The following SLC30A4 variants were observed in gnomAD, a reference collection of about 807,000 sequenced individuals.
SLC30A4 encodes solute carrier family 30 member 4, also known as probable proton-coupled zinc antiporter SLC30A4.
In SLC30A4, 20 loss-of-function variants were observed where a neutral mutation model predicts 41.7. The ratio of observed to expected loss-of-function variants is 0.48; its 90% CI spans 0.34 to 0.70. The LOEUF is 0.70. Ranked by LOEUF, SLC30A4 falls within the 30% of genes least tolerant of loss-of-function variation. The pLI, the probability that SLC30A4 is intolerant of heterozygous loss-of-function variation, is 0.01. For missense variants in SLC30A4, 441 were observed against 529.3 expected, an observed-to-expected ratio of 0.83 and a Z score of 1.64; for synonymous variants, 181 against 195.9, an observed-to-expected ratio of 0.92 and a Z score of 0.64.
rs1382606851 is a variant in SLC30A4, at chr15:45,522,700, G to A, written c.-208C>T. On this transcript the variant is annotated 5_prime_UTR_variant, in exon 1 of 8. Coordinates refer to ENST00000261867, the MANE Select transcript of SLC30A4 (RefSeq NM_013309.6). ...CTGCTCCACCCGCGGCCGCAGGAGA[G>A]TGGGGTCGTGCTCGCGCCCGCCGCG... The A allele has an allele frequency of 5.5e-6, 1 of 182,254 alleles. No homozygotes were observed. The highest frequency in any genetic ancestry group is 1.1e-5 in the Non-Finnish European group (1 of 89,042). 11.3% of individuals were successfully genotyped at this position (182,254 alleles called of 1,614,324 possible).
In SLC30A4 at chr15:45,490,740, G is replaced by C. The variant is rs973611120; in HGVS notation, c.680C>G (p.Ala227Gly). ...AAATAGAGCTTACATTACATTAACTGCAACTCCAACAGCTGCGGTGATGAG... is the reference window on the plus strand; with the variant it reads ...AAATAGAGCTTACATTACATTAACTCCAACTCCAACAGCTGCGGTGATGAG... ...IMLITAAVGVAVNVIMGFLLN... is the reference protein window; with the variant it reads ...IMLITAAVGVGVNVIMGFLLN... The change falls in exon 4 of 8, where the codon GCA (alanine) becomes GGA (glycine). Residue 227 changes from alanine to glycine, a missense_variant. Physicochemically the swap from Ala to Gly is moderately conservative, Grantham distance 60. Around this residue, in one of 3 missense-constraint regions of SLC30A4, gnomAD observed 312 missense variants for 341.9 expected, o/e 0.91. Transcript: ENST00000261867. 1 of 1,599,074 alleles carries C rather than the reference G, an allele frequency of 6.3e-7. No individual in the cohort carries two copies. Among genetic ancestry groups the C allele is most frequent in the Non-Finnish European group, 8.5e-7 (1 of 1,173,682 alleles).
chr15:45,489,307 C>T (rs1891764991), intron 4 of SLC30A4, among the ~76,000 whole-genome samples: 1 of 151,896 alleles, frequency 6.6e-6, no homozygotes, highest in African/African-American at 2.4e-5. Context: ...ATGTGAAATG[C>T]TTTGGAGAAA....
Position 45,481,301 on chromosome 15 carries a change from A to G in SLC30A4, c.*3862T>C, listed in dbSNP as rs1196498143. On this transcript the variant is annotated 3_prime_UTR_variant, in exon 8 of 8. Coordinates refer to ENST00000261867, the MANE Select transcript of SLC30A4 (RefSeq NM_013309.6). ...AGGCATAGCTAATGGAAATGTATGT[A>G]GGAATTACAATAGCTTCCAGTTCTG... The G allele has an allele frequency of 6.6e-6, 1 of 152,260 alleles. No homozygotes were observed. Among genetic ancestry groups the G allele is most frequent in the Non-Finnish European group, 1.5e-5 (1 of 68,044 alleles). The allele number at this position is 152,260 out of a possible 1,614,324, so 9.4% of individuals were successfully genotyped here.
intron 2 of SLC30A4, among the ~76,000 whole-genome samples, chr15:45,520,184 G>C (rs1162802554): frequency 6.6e-6 from 1 of 152,034 alleles, no homozygotes; most frequent in Non-Finnish European, 1.5e-5. Context: ...GGGAACAAAA[G>C]AGATTTACTT....
chr15:45,518,669 C>A (rs1892570925), intron 2 of SLC30A4, among the ~76,000 whole-genome samples: 1 of 151,500 alleles, frequency 6.6e-6, no homozygotes, highest in African/African-American at 2.4e-5. Flanking sequence ...CTCAACCGAT[C>A]CTGCCACTTC....
At chr15:45,494,887 G>C (rs999145567) in intron 3 of SLC30A4, among the ~76,000 whole-genome samples, 5 of 152,170 alleles carry the variant, frequency 3.3e-5, no homozygotes, top group South Asian at 2.1e-4. Flanking sequence ...TAAAGCACGT[G>C]GTGGCTCACA....
intron 3 of SLC30A4, among the ~76,000 whole-genome samples, chr15:45,494,482 C>G (rs1021484215): frequency 6.6e-6 from 1 of 152,090 alleles, no homozygotes; most frequent in East Asian, 1.9e-4. Context: ...GTCAGGAGTT[C>G]GAGACCAGCC....
intron 2 of SLC30A4, chr15:45,520,795 A>G (rs1892642542): frequency 3.6e-6 from 1 of 281,494 alleles, no homozygotes; most frequent in Non-Finnish European, 7.2e-6. Flanking sequence ...ATTTATACAC[A>G]TGTGACCTGT....
Position 45,522,349 on chromosome 15 carries a change from G to C in SLC30A4, c.6C>G (p.Ala2=). The C allele has an allele frequency of 4.4e-6, 7 of 1,605,388 alleles. No individual in the cohort carries two copies. The highest frequency in any genetic ancestry group is 6.0e-6 in the Non-Finnish European group (7 of 1,176,220). The change falls in exon 2 of 8, where the codon GCC becomes GCG. Residue 2 remains alanine, a synonymous_variant. Transcript: ENST00000261867. The part of the protein sequence containing the change: M[A]GSGAWKRLKS... ...TGAGGCGCTTCCACGCGCCAGAGCC[G>C]GCCATGGCAGAGGCTGAGCGGCCGC... is the stretch of plus-strand genomic sequence containing the variant.
chr15:45,520,221 A>G (rs16944629), intron 2 of SLC30A4, among the ~76,000 whole-genome samples: 31,353 of 151,684 alleles, frequency 0.21, 4,747 homozygotes, highest in African/African-American at 0.43. Context: ...GTCTCTCAAA[A>G]GTGTGGGTTT....
intron 3 of SLC30A4, among the ~76,000 whole-genome samples, chr15:45,506,228 A>C (rs1595528074): frequency 6.6e-6 from 1 of 152,228 alleles, no homozygotes; most frequent in South Asian, 2.1e-4. Flanking sequence ...CAAATAAATA[A>C]ATTAATAAAA....
At chr15:45,488,568 GT>G (rs2140813488) in intron 5 of SLC30A4, among the ~76,000 whole-genome samples, 1 of 151,062 alleles carries the variant, frequency 6.6e-6, no homozygotes, top group Non-Finnish European at 1.5e-5. Context: ...GTGAGACTCT[GT>G]CTCAAAAATA....
intron 2 of SLC30A4, among the ~76,000 whole-genome samples, chr15:45,520,186 G>A (rs1892621830): frequency 6.6e-6 from 1 of 152,028 alleles, no homozygotes; most frequent in African/African-American, 2.4e-5. Flanking sequence ...GAACAAAAGA[G>A]ATTTACTTTA....
chr15:45,514,453 C>G (rs1219327451), intron 2 of SLC30A4, among the ~76,000 whole-genome samples: 1 of 151,328 alleles, frequency 6.6e-6, no homozygotes, highest in African/African-American at 2.4e-5. Flanking sequence ...GATTTCGTAG[C>G]CTTTGCTTTC....
chr15:45,486,759 A>G lies in SLC30A4; in HGVS notation c.1001-14T>C, dbSNP rs778471542. 7 of 1,380,246 alleles carry G rather than the reference A, an allele frequency of 5.1e-6. No individual in the cohort carries two copies. The highest frequency in any genetic ancestry group is 3.8e-4 in the Middle Eastern group (2 of 5,304). The allele number at this position is 1,380,246 out of a possible 1,614,324, so 85.5% of individuals were successfully genotyped here. On this transcript the variant is annotated splice_polypyrimidine_tract_variant and intron_variant, in intron 6 of 7. Coordinates refer to ENST00000261867, the MANE Select transcript of SLC30A4 (RefSeq NM_013309.6). ...GGCTTGGCACACCTATTAGGAATATATAATTTCTAAGTAAAATTTATTTTG... is the reference window on the plus strand; with the variant it reads ...GGCTTGGCACACCTATTAGGAATATGTAATTTCTAAGTAAAATTTATTTTG...
chr15:45,518,563 AT>A (rs930990089), intron 2 of SLC30A4, among the ~76,000 whole-genome samples: 1 of 147,976 alleles, frequency 6.8e-6, no homozygotes, highest in African/African-American at 2.6e-5. Context: ...TAGTTACTTC[AT>A]TTTTTTTCCC....
intron 3 of SLC30A4, among the ~76,000 whole-genome samples, chr15:45,503,869 C>A (rs1227031045): frequency 2.6e-5 from 4 of 152,052 alleles, no homozygotes; most frequent in African/African-American, 9.7e-5. Flanking sequence ...TCGCTTGAAC[C>A]CAGGAGGCAG....
At position 45,485,226 on chromosome 15, in the gene SLC30A4, C is replaced by T. The variant is rs774070698; in HGVS notation, c.1227G>A (p.Gln409=). 1.2e-6 allele frequency: 2 copies of T among 1,612,992 alleles called. No individual in the cohort carries two copies. Among genetic ancestry groups the T allele is most frequent in the Admixed American group, 3.3e-5 (2 of 59,944 alleles). Residue 409 remains glutamine, a synonymous_variant, in exon 8 of 8, where the codon CAG becomes CAA. Transcript: ENST00000261867. ...CCACTTCTTGCCTGTAACTCTGAAG[C>T]TGAATAGTACATCTATACATGCCAA... The part of the protein sequence containing the change: ...NTFGMYRCTI[Q]LQSYRQEVDR...
At chr15:45,491,563 T>C (rs1028627044) in intron 3 of SLC30A4, among the ~76,000 whole-genome samples, 1 of 152,194 alleles carries the variant, frequency 6.6e-6, no homozygotes, top group African/African-American at 2.4e-5. Flanking sequence ...TCCGTCTCTC[T>C]TGGTTTTTCC....
Sources: allele counts gnomAD v4.1 joint callset (sites outside exome capture counted in the v4.1 genomes callset), GRCh38; gene constraint gnomAD v4.1.1; regional missense constraint gnomAD v4.1.1; transcripts MANE v1.5; gene names NCBI Gene and HGNC (gene_info 2026-07-23, HGNC 2026-07-21).